IDH2: variants seen among roughly 807,000 people sequenced by gnomAD.
IDH2 encodes isocitrate dehydrogenase [NADP], mitochondrial.
Under a neutral mutation model 50.5 loss-of-function variants are expected in IDH2, and 18 were observed. The ratio of observed to expected loss-of-function variants is 0.36; its 90% CI spans 0.25 to 0.53. The LOEUF is 0.53. Among genes scored for constraint, IDH2 ranks in the 20% least tolerant of loss-of-function variants. The probability of loss-of-function intolerance (pLI) is 0.92; values close to 1 mark genes in which losing one functional copy is unlikely to be tolerated. For synonymous variants in IDH2, 280 were observed against 239.8 expected (o/e 1.17, Z -1.55); for missense variants, 518 against 610.7 (o/e 0.85, Z 1.60).
In IDH2 at chr15:90,098,531, C is replaced by CATGTATGTATGTATGTATGCATGT. The variant is rs1901243520; in HGVS notation, c.115+3744_115+3745insACATGCATACATACATACATACAT. Reference sequence around the variant, plus strand: ...GTATGTATGTATGTATGTATGCATGCATGTATGTATGTATGTATGTATGTA... The same window carrying CATGTATGTATGTATGTATGCATGT: ...GTATGTATGTATGTATGTATGCATGCATGTATGTATGTATGTATGCATGTATGTATGTATGTATGTATGTATGTA... On this transcript the variant is annotated intron_variant, in intron 1 of 10. Transcript: ENST00000330062. This position sits in a 1 kb window ranked among gnomAD's most constrained non-coding sequence, Gnocchi z 5.1. Among the ~76,000 whole-genome samples, 3 of 138,354 alleles carry CATGTATGTATGTATGTATGCATGT rather than the reference C, an allele frequency of 2.2e-5. No homozygotes were observed. The highest frequency in any genetic ancestry group is 4.3e-4 in the South Asian group (2 of 4,644). The allele number at this position is 138,354 out of a possible 152,430, so 90.8% of individuals were successfully genotyped here. A position where few individuals can be genotyped will look rare whatever the true frequency, so the allele number is the denominator to read the frequency against.
At chr15:90,090,675 C>A in intron 2 of IDH2, 31 bp from the exon 3 acceptor site, 2 of 1,612,016 alleles carry the variant, frequency 1.2e-6, no homozygotes, top group Non-Finnish European at 1.7e-6. Context: ...CAAGGCGTCA[C>A]CCCAGTGACT....
chr15:90,101,172 C>T (rs917826743), intron 1 of IDH2, among the ~76,000 whole-genome samples: 1 of 151,858 alleles, frequency 6.6e-6, no homozygotes, highest in African/African-American at 2.4e-5. Flanking sequence ...AGCCTCCCTA[C>T]CCCCCCGGCT....
In IDH2 at chr15:90,088,362, G is replaced by A. The variant is rs543891249; in HGVS notation, c.675C>T (p.Asp225=). The change falls in exon 5 of 11, where the codon GAC becomes GAT. Residue 225 remains aspartate (D), a synonymous_variant. Transcript: ENST00000330062. The stretch of plus-strand genomic sequence containing the variant: ...AGGATGCCCAAGCCAGCCTCACCTC[G>A]TCGGTGTTGTACATGCCCATGCCCA... ...GGVGMGMYNT[D]ESISGFAHSC... is the part of the protein sequence containing the mutation. 14 of 1,613,522 alleles carry A rather than the reference G, an allele frequency of 8.7e-6. No homozygotes were observed. Among genetic ancestry groups the A allele is most frequent in the Middle Eastern group, 1.8e-4 (1 of 5,592 alleles).
chr15:90,094,013 G>A lies in IDH2; in HGVS notation c.116-2369C>T, dbSNP rs1294609027. ...GAGCTTGAAAACAGCAGAGTCACGAGGACTCTGACCCTATTCAACAGGAAG... is the reference window on the plus strand; with the variant it reads ...GAGCTTGAAAACAGCAGAGTCACGAAGACTCTGACCCTATTCAACAGGAAG... On this transcript the variant is annotated intron_variant, in intron 1 of 10. Coordinates refer to ENST00000330062, the MANE Select transcript of IDH2 (RefSeq NM_002168.4). Among the ~76,000 whole-genome samples the A allele has an allele frequency of 5.9e-5, 9 of 152,102 alleles. No individual in the cohort carries two copies. In the South Asian group the frequency reaches 1.7e-3, roughly 28 times the overall value.
chr15:90,102,093 G>A (rs1209404852), intron 1 of IDH2, among the ~76,000 whole-genome samples, 183 bp downstream of exon 1: 2 of 151,860 alleles, frequency 1.3e-5, no homozygotes, highest in African/African-American at 4.8e-5. Context: ...CCAGCGCCTG[G>A]CACGGCCGGG....
chr15:90,100,938 CTT>C lies in IDH2; in HGVS notation c.115+1336_115+1337del, dbSNP rs35633367. 8.9e-5 allele frequency among the ~76,000 whole-genome samples: 13 copies of C among 145,370 alleles called. No individual in the cohort carries two copies. Among genetic ancestry groups the C allele is most frequent in the East Asian group, 2.0e-4 (1 of 4,974 alleles). Reference sequence around the variant, plus strand: ...TGTGTGTTTTTCGGGTTGTTTGTTTCTTTTTTTTTTTTTTACCATCAAGGCAG... The same window carrying C: ...TGTGTGTTTTTCGGGTTGTTTGTTTCTTTTTTTTTTTTACCATCAAGGCAG... On this transcript the variant is annotated intron_variant, in intron 1 of 10. Transcript: ENST00000330062. This position sits in a 1 kb window ranked among gnomAD's most constrained non-coding sequence, Gnocchi z 4.1.
chr15:90,094,687 C>T (rs1391240753), intron 1 of IDH2, among the ~76,000 whole-genome samples: 2 of 152,198 alleles, frequency 1.3e-5, no homozygotes, highest in African/African-American at 4.8e-5. Flanking sequence ...AGGTGGATCA[C>T]TCAAGGTAAG....
At chr15:90,099,002 T>C (rs1901260850) in intron 1 of IDH2, among the ~76,000 whole-genome samples, 1 of 152,206 alleles carries the variant, frequency 6.6e-6, no homozygotes, top group African/African-American at 2.4e-5. Flanking sequence ...ATCGCCTGAA[T>C]TGGAACCTTT....
In IDH2 at chr15:90,084,565, C is replaced by G. The variant is rs1900807386; in HGVS notation, c.1272-212G>C. ...GGGTCTGTCTTGCCAGGTAACTGCT[C>G]TCCTGAGAGAAGCTGGGAAAGGGGT... On this transcript the variant is annotated intron_variant, in intron 10 of 10. Transcript: ENST00000330062. This position sits in a 1 kb window ranked among gnomAD's most constrained non-coding sequence, Gnocchi z 5.0. Among the ~76,000 whole-genome samples, 1 of 152,090 alleles carries G rather than the reference C, an allele frequency of 6.6e-6. No individual in the cohort carries two copies. The highest frequency in any genetic ancestry group is 2.4e-5 in the African/African-American group (1 of 41,404).
At position 90,098,033 on chromosome 15, in the gene IDH2, G is replaced by T. The variant is rs1901226033; in HGVS notation, c.115+4243C>A. ...CCCTGTCTGCTGTTCAGCCTGTATG[G>T]TGGAGATACAGCCATGGTCTGCCCT... On this transcript the variant is annotated intron_variant, in intron 1 of 10. Transcript: ENST00000330062. This position sits in a 1 kb window ranked among gnomAD's most constrained non-coding sequence, Gnocchi z 5.1. Among the ~76,000 whole-genome samples the T allele has an allele frequency of 6.6e-6, 1 of 152,180 alleles. No homozygotes were observed. Among genetic ancestry groups the T allele is most frequent in the Non-Finnish European group, 1.5e-5 (1 of 68,034 alleles).
At chr15:90,089,944 G>A (rs2151550925) in intron 3 of IDH2, among the ~76,000 whole-genome samples, 1 of 152,302 alleles carries the variant, frequency 6.6e-6, no homozygotes, top group Admixed American at 6.5e-5. Flanking sequence ...CCCAGAGGCT[G>A]CTGAGGCTCT....
In IDH2 at chr15:90,087,197, C is replaced by T. The variant is rs1900881210; in HGVS notation, c.882G>A (p.Val294=). 1 of 1,614,058 alleles carries T rather than the reference C, an allele frequency of 6.2e-7. No individual in the cohort carries two copies. Among genetic ancestry groups the T allele is most frequent in the South Asian group, 1.1e-5 (1 of 91,076 alleles). The change falls in exon 7 of 11, where the codon GTG becomes GTA. Residue 294 remains valine (V), a synonymous_variant. Coordinates refer to ENST00000330062, the MANE Select transcript of IDH2 (RefSeq NM_002168.4). ...WYEHRLIDDM[V]AQVLKSSGGF... ...CACCCGAAGACTTGAGGACCTGAGC[C>T]ACCATGTCATCAATGAGCCGGTGCT...
chr15:90,094,346 C>T (rs1293791406), intron 1 of IDH2, among the ~76,000 whole-genome samples: 4 of 152,204 alleles, frequency 2.6e-5, no homozygotes, highest in African/African-American at 9.7e-5. Context: ...CACCGGGGCA[C>T]CAGCCTGCTC....
At chr15:90,095,961 C>T in intron 1 of IDH2, among the ~76,000 whole-genome samples, 1 of 152,140 alleles carries the variant, frequency 6.6e-6, no homozygotes, top group Non-Finnish European at 1.5e-5. Flanking sequence ...TTTTAAAAAT[C>T]AGTAAATCTC....
intron 1 of IDH2, among the ~76,000 whole-genome samples, chr15:90,096,549 G>A (rs1901185092): frequency 6.6e-6 from 1 of 152,088 alleles, no homozygotes; most frequent in African/African-American, 2.4e-5. Flanking sequence ...TGGAACTCTT[G>A]TGCCCTGTTG....
At chr15:90,089,551 T>C (rs1284116392) in intron 3 of IDH2, among the ~76,000 whole-genome samples, 1 of 152,080 alleles carries the variant, frequency 6.6e-6, no homozygotes, top group Non-Finnish European at 1.5e-5. Flanking sequence ...GATACACAAC[T>C]CCCAAGGTTC....
intron 1 of IDH2, 122 bp from the exon 2 acceptor site, chr15:90,091,766 G>T: frequency 1.2e-6 from 1 of 807,574 alleles, no homozygotes; most frequent in Non-Finnish European, 2.2e-6. Flanking sequence ...CCAGCTGCCC[G>T]GTGTCCACTC....
chr15:90,101,196 C>A (rs1213038874), intron 1 of IDH2, among the ~76,000 whole-genome samples: 1 of 152,126 alleles, frequency 6.6e-6, no homozygotes, highest in African/African-American at 2.4e-5. Flanking sequence ...GTCAGCTGCT[C>A]CCACAATCCG....
Position 90,091,569 on chromosome 15 carries a change from T to G in IDH2, c.191A>C (p.Gln64Pro). The change falls in exon 2 of 11, where the codon CAG (glutamine) becomes CCG (proline). Residue 64 changes from glutamine to proline, a missense_variant. Coordinates refer to ENST00000330062, the MANE Select transcript of IDH2 (RefSeq NM_002168.4). ...DGDEMTRIIW[Q>P]FIKEKLILPH... ...GGGCACTACCTTCTCCTTGATGAAC[T>G]GCCAGATAATACGGGTCATCTCATC... 2 of 1,614,056 alleles carry G rather than the reference T, an allele frequency of 1.2e-6. No individual in the cohort carries two copies. Among genetic ancestry groups the G allele is most frequent in the Non-Finnish European group, 1.7e-6 (2 of 1,179,906 alleles).
Sources: gnomAD v4.1 joint callset for allele counts (sites outside exome capture counted in the v4.1 genomes callset) on GRCh38, gnomAD v4.1.1 for gene constraint, Gnocchi (gnomAD v3.1) non-coding constraint, MANE v1.5 for transcripts, NCBI Gene and HGNC (gene_info 2026-07-23, HGNC 2026-07-21) for gene names.